Variants in ZNF487 observed in about 807,000 individuals in gnomAD.
ZNF487 encodes KRAB domain only 1.
ZNF487 carries 4 observed loss-of-function variants against 3.0 expected under a neutral mutation model. The observed-to-expected ratio is 1.35, with a 90% CI of 0.66 to 3.08. The LOEUF is 3.08. Among genes scored for constraint, ZNF487 ranks in the 30% most tolerant of loss-of-function variants. The pLI is 0.01. For synonymous variants in ZNF487, 55 were observed against 34.6 expected (o/e 1.59, Z -2.06); for missense variants, 146 against 98.7 (o/e 1.48, Z -2.03).
At chr10:43,436,989 G>A (rs779400010), upstream of ZNF487, 6 of 434,056 alleles carry the variant, frequency 1.4e-5, no homozygotes, top group African/African-American at 1.3e-4. Flanking sequence ...TGGGATGCCC[G>A]TGGCATAGGG....
At chr10:43,440,337 A>T (rs1839552038) in intron 1 of ZNF487, among the ~76,000 whole-genome samples, 1 of 151,596 alleles carries the variant, frequency 6.6e-6, no homozygotes, top group Non-Finnish European at 1.5e-5. Context: ...GGTGTGAACC[A>T]CTGTGCCCTG....
rs893271614 is a variant in ZNF487, at chr10:43,483,114, C to T, written c.*1192C>T. On this transcript the variant is annotated 3_prime_UTR_variant, in exon 4 of 4. Transcript: ENST00000437590. ...TCAGAAACCTTCACCTTCTTGGACT[C>T]GTTCCATAGCAGAAACAACCCAGGT... 2.8e-5 allele frequency: 13 copies of T among 456,324 alleles called. No individual in the cohort carries two copies. Among genetic ancestry groups the T allele is most frequent in the South Asian group, 1.1e-4 (7 of 64,576 alleles). The allele number at this position is 456,324 out of a possible 1,614,324, so 28.3% of individuals were successfully genotyped here.
At chr10:43,501,920 T>G in the ZNF487 span, among the ~76,000 whole-genome samples, 2,027 of 152,232 alleles carry the variant, frequency 0.013, 26 homozygotes, top group Admixed American at 0.019. Context: ...AGGCAAGACT[T>G]GTACACTGAA....
At chr10:43,480,614 C>A (rs1457637113) in intron 3 of ZNF487, among the ~76,000 whole-genome samples, 1 of 151,994 alleles carries the variant, frequency 6.6e-6, no homozygotes, top group Admixed American at 6.6e-5. Flanking sequence ...TGGGGTTTTG[C>A]CATGTTGGCC....
At chr10:43,498,272 A>T in the ZNF487 span, among the ~76,000 whole-genome samples, 1,995 of 93,454 alleles carry the variant, frequency 0.021, 71 homozygotes, top group Middle Eastern at 0.078. Context: ...ATATATATAT[A>T]TATTTTTTTC....
chr10:43,513,130 G>T, the ZNF487 span, among the ~76,000 whole-genome samples: 10 of 152,200 alleles, frequency 6.6e-5, no homozygotes, highest in Non-Finnish European at 1.3e-4. Context: ...TTGCGGCAGC[G>T]AAAAGTGATC....
the ZNF487 span, among the ~76,000 whole-genome samples, chr10:43,515,706 C>T: frequency 6.6e-6 from 1 of 152,206 alleles, no homozygotes; most frequent in African/African-American, 2.4e-5. Flanking sequence ...AGATAAGACT[C>T]ACTCAGGGCA....
intron 1 of ZNF487, among the ~76,000 whole-genome samples, chr10:43,461,316 GTT>G (rs138594367): frequency 6.8e-6 from 1 of 147,936 alleles, no homozygotes; most frequent in Non-Finnish European, 1.5e-5. Context: ...CCAGTCTTTT[GTT>G]TTTTTTTTTT....
intron 1 of ZNF487, among the ~76,000 whole-genome samples, chr10:43,445,428 G>C (rs1242340187): frequency 2.0e-5 from 3 of 152,126 alleles, no homozygotes; most frequent in Non-Finnish European, 4.4e-5. Context: ...TTGGATGCAG[G>C]ATATTTTTGT....
At chr10:43,438,967 C>T (rs1039035326) in intron 1 of ZNF487, among the ~76,000 whole-genome samples, 7 of 151,616 alleles carry the variant, frequency 4.6e-5, no homozygotes, top group Admixed American at 4.0e-4. Flanking sequence ...GCAGGCCGGG[C>T]GCGGTGTCTC....
chr10:43,519,630 G>A, the ZNF487 span, among the ~76,000 whole-genome samples: 11 of 152,086 alleles, frequency 7.2e-5, no homozygotes, highest in Non-Finnish European at 1.5e-4. Flanking sequence ...ACCACACCCA[G>A]CTAAGTTTTG....
downstream of ZNF487, among the ~76,000 whole-genome samples, chr10:43,483,343 C>T (rs1194058507): frequency 6.6e-6 from 1 of 151,692 alleles, no homozygotes; most frequent in African/African-American, 2.4e-5. Flanking sequence ...TGGATTCAAG[C>T]AATTCTCCTG....
At chr10:43,467,919 A>G (rs1840766043) in intron 1 of ZNF487, among the ~76,000 whole-genome samples, 1 of 152,150 alleles carries the variant, frequency 6.6e-6, no homozygotes, top group Non-Finnish European at 1.5e-5. Flanking sequence ...ACCTTCTGGA[A>G]TGGATTCACT....
chr10:43,438,346 C>T (rs1017080514), intron 1 of ZNF487, among the ~76,000 whole-genome samples: 10 of 152,114 alleles, frequency 6.6e-5, no homozygotes, highest in East Asian at 5.8e-4. Context: ...CCACCACACC[C>T]GGCTAATTTT....
chr10:43,465,136 G>A (rs549188470), intron 1 of ZNF487, among the ~76,000 whole-genome samples: 5 of 121,256 alleles, frequency 4.1e-5, no homozygotes, highest in South Asian at 2.7e-4. Flanking sequence ...CTGGCCGGGC[G>A]GGGGGCTGAC....
At chr10:43,445,426 A>G (rs1214381709) in intron 1 of ZNF487, among the ~76,000 whole-genome samples, 1 of 152,106 alleles carries the variant, frequency 6.6e-6, no homozygotes, top group Non-Finnish European at 1.5e-5. Context: ...TTTTGGATGC[A>G]GGATATTTTT....
the ZNF487 span, among the ~76,000 whole-genome samples, chr10:43,504,312 G>A: frequency 1.0e-3 from 20 of 19,120 alleles, no homozygotes; most frequent in African/African-American, 2.3e-3. Context: ...TTTTTTTTTT[G>A]AGGCGGAGTC....
chr10:43,448,320 T>C (rs1442567512), intron 1 of ZNF487, among the ~76,000 whole-genome samples: 2 of 151,888 alleles, frequency 1.3e-5, no homozygotes, highest in Non-Finnish European at 1.5e-5. Flanking sequence ...TTACGTTTTG[T>C]CAAAAAATGT....
chr10:43,481,969 G>A lies in ZNF487; in HGVS notation c.*47G>A. ...CTTTTCCGATAGACCAATATTCATT[G>A]TTCATCAGAGAACTCACATAAGGAA... On this transcript the variant is annotated 3_prime_UTR_variant, in exon 4 of 4. Transcript: ENST00000437590. The A allele has an allele frequency of 3.3e-6, 2 of 601,104 alleles. No individual in the cohort carries two copies. The highest frequency in any genetic ancestry group is 5.9e-6 in the Non-Finnish European group (2 of 340,498). 37.2% of individuals were successfully genotyped at this position (601,104 alleles called of 1,614,324 possible). A position where few individuals can be genotyped will look rare whatever the true frequency, so the allele number is the denominator to read the frequency against.
Sources: gnomAD v4.1 joint callset for allele counts (sites outside exome capture counted in the v4.1 genomes callset) on GRCh38, gnomAD v4.1.1 for gene constraint, MANE v1.5 for transcripts, NCBI Gene and HGNC (gene_info 2026-07-23, HGNC 2026-07-21) for gene names.